The following SOX6 variants were observed in gnomAD, a reference collection of about 807,000 sequenced individuals.
The protein encoded by SOX6 is transcription factor SOX-6.
In SOX6, 11 loss-of-function variants were observed where a neutral mutation model predicts 97.8. That is an observed-to-expected ratio of 0.11 (90% CI 0.07 to 0.19). The LOEUF is 0.19. Ranked by LOEUF, SOX6 falls within the 10% of genes least tolerant of loss-of-function variation. SOX6 has a pLI of 1.00. For missense variants in SOX6, 810 were observed against 1,039.5 expected (o/e 0.78, Z 3.04); for synonymous variants, 360 against 371.4 (o/e 0.97, Z 0.35).
chr11:16,298,295 C>G (rs1040727636), intron 3 of SOX6, among the ~76,000 whole-genome samples: 1 of 152,088 alleles, frequency 6.6e-6, no homozygotes, highest in Non-Finnish European at 1.5e-5. Flanking sequence ...ATTTAACCAT[C>G]CTATTTTCTT....
intron 3 of SOX6, among the ~76,000 whole-genome samples, chr11:16,619,252 A>G (rs1193875171): frequency 6.6e-6 from 1 of 151,418 alleles, no homozygotes; most frequent in Non-Finnish European, 1.5e-5. Flanking sequence ...AAAAAAAAAG[A>G]AAAGAAACTA....
intron 1 of SOX6, among the ~76,000 whole-genome samples, chr11:16,367,154 C>A (rs1337147415): frequency 2.6e-5 from 4 of 152,140 alleles, no homozygotes; most frequent in Non-Finnish European, 5.9e-5. Flanking sequence ...TTTGAGAAGG[C>A]ACATTTTGCT....
intron 1 of SOX6, among the ~76,000 whole-genome samples, chr11:16,349,190 ATAAC>A (rs1856843463): frequency 6.6e-6 from 1 of 152,226 alleles, no homozygotes; most frequent in Admixed American, 6.5e-5. Flanking sequence ...ATTTTATTTC[ATAAC>A]TAACTCAAGA....
chr11:16,011,755 G>T (rs1854734684), intron 13 of SOX6, among the ~76,000 whole-genome samples: 1 of 152,004 alleles, frequency 6.6e-6, no homozygotes, highest in South Asian at 2.1e-4. Context: ...TAGACATGGG[G>T]GGAGGGCATA....
At chr11:16,702,826 A>T (rs1236270952) in intron 3 of SOX6, among the ~76,000 whole-genome samples, 1 of 151,968 alleles carries the variant, frequency 6.6e-6, no homozygotes, top group Admixed American at 6.6e-5. Flanking sequence ...ACAAGGAAAG[A>T]AAAATCCTGA....
chr11:16,044,970 A>ATCTG (rs771916992), intron 12 of SOX6, among the ~76,000 whole-genome samples: 7 of 96,034 alleles, frequency 7.3e-5, no homozygotes, highest in African/African-American at 2.9e-4. Flanking sequence ...CTATCTGTCT[A>ATCTG]TCTATCTATC....
chr11:16,731,188 A>C (rs1211431083), intron 2 of SOX6, among the ~76,000 whole-genome samples: 1 of 151,038 alleles, frequency 6.6e-6, no homozygotes, highest in Non-Finnish European at 1.5e-5. Context: ...AGCTGGTACC[A>C]TTCCTTCCGA....
chr11:16,201,997 T>C (rs1474311862), intron 4 of SOX6, among the ~76,000 whole-genome samples: 2 of 152,120 alleles, frequency 1.3e-5, no homozygotes, highest in Non-Finnish European at 2.9e-5. Context: ...TTATTTTTCA[T>C]GAAAAGTGAC....
At chr11:16,061,347 A>C (rs1847948105) in intron 9 of SOX6, among the ~76,000 whole-genome samples, 1 of 151,570 alleles carries the variant, frequency 6.6e-6, no homozygotes, top group African/African-American at 2.4e-5. Flanking sequence ...GAGGTGAAAA[A>C]TCTGTACAAG....
chr11:16,343,027 T>C (rs1338316187), intron 1 of SOX6, among the ~76,000 whole-genome samples: 1 of 151,856 alleles, frequency 6.6e-6, no homozygotes, highest in African/African-American at 2.4e-5. Flanking sequence ...TCAGATATAT[T>C]CTTGATCAAT....
intron 3 of SOX6, chr11:16,316,159 T>C (rs1260287305): frequency 6.6e-6 from 1 of 151,916 alleles, no homozygotes; most frequent in African/African-American, 2.4e-5. Context: ...TCTTCAGTAA[T>C]TACTTGTGCA....
chr11:16,665,582 C>G (rs1303294654), intron 3 of SOX6, among the ~76,000 whole-genome samples: 1 of 152,172 alleles, frequency 6.6e-6, no homozygotes, highest in African/African-American at 2.4e-5. Context: ...TCCTGGACAG[C>G]ATCTCTAGAC....
At chr11:16,521,130 G>C (rs569996510) in intron 4 of SOX6, among the ~76,000 whole-genome samples, 1 of 152,290 alleles carries the variant, frequency 6.6e-6, no homozygotes, top group South Asian at 2.1e-4. Context: ...GAGAGCAGTG[G>C]TTCTCCCAGC....
intron 12 of SOX6, among the ~76,000 whole-genome samples, chr11:16,040,176 TC>T (rs200601537): frequency 0.014 from 2,114 of 152,146 alleles, 43 homozygotes; most frequent in African/African-American, 0.049. Context: ...TAAATAAAAC[TC>T]AAGGCTTTAT....
chr11:16,407,911 C>A (rs778039370), intron 1 of SOX6, among the ~76,000 whole-genome samples: 45 of 152,192 alleles, frequency 3.0e-4, no homozygotes, highest in Admixed American at 5.9e-4. Flanking sequence ...ATAATAAAAT[C>A]ATTTTTATTC....
chr11:15,981,675 T>C (rs1853660299), intron 15 of SOX6, among the ~76,000 whole-genome samples: 1 of 152,114 alleles, frequency 6.6e-6, no homozygotes, highest in Admixed American at 6.6e-5. Flanking sequence ...TCTATGCTAA[T>C]GTAATTGTAT....
At chr11:16,103,437 A>AGC (rs1351912696) in intron 7 of SOX6, among the ~76,000 whole-genome samples, 1 of 151,970 alleles carries the variant, frequency 6.6e-6, no homozygotes, top group African/African-American at 2.4e-5. Context: ...AAACTAGTAC[A>AGC]AACACTATGA....
intron 6 of SOX6, among the ~76,000 whole-genome samples, chr11:16,182,521 G>A (rs576291128): frequency 6.6e-6 from 1 of 151,786 alleles, no homozygotes; most frequent in African/African-American, 2.4e-5. Context: ...TTTAATTAAG[G>A]GTCTCAGCAT....
chr11:16,577,717 G>A (rs1414268702), intron 4 of SOX6, among the ~76,000 whole-genome samples: 1 of 152,034 alleles, frequency 6.6e-6, no homozygotes, highest in African/African-American at 2.4e-5. Flanking sequence ...TTGTCCATTT[G>A]TAAATCGTAT....
Sources: allele counts gnomAD v4.1 joint callset (sites outside exome capture counted in the v4.1 genomes callset), GRCh38; gene constraint gnomAD v4.1.1; transcripts MANE v1.5; gene names NCBI Gene and HGNC (gene_info 2026-07-23, HGNC 2026-07-21).